Variants in XKR6 observed in about 807,000 individuals in gnomAD.
XKR6 encodes XK-related protein 6.
In XKR6, 22 loss-of-function variants were observed where a neutral mutation model predicts 56.7. The observed-to-expected ratio is 0.39, with a 90% CI of 0.28 to 0.55. The LOEUF is 0.55. Among genes scored for constraint, XKR6 ranks in the 20% least tolerant of loss-of-function variants. The probability of loss-of-function intolerance (pLI) is 0.66; values close to 1 mark genes in which losing one functional copy is unlikely to be tolerated. For missense variants in XKR6, 852 were observed against 889.0 expected (o/e 0.96, Z 0.53); for synonymous variants, 524 against 387.8 (o/e 1.35, Z -4.13).
At position 10,897,791 on chromosome 8, in the gene XKR6, TATTA is replaced by T. The variant is rs1799925000; in HGVS notation, c.*157_*160del. 1.4e-5 allele frequency: 12 copies of T among 871,710 alleles called. No individual in the cohort carries two copies. The highest frequency in any genetic ancestry group is 3.6e-4 in the Middle Eastern group (1 of 2,776). The allele number at this position is 871,710 out of a possible 1,614,324, so 54.0% of individuals were successfully genotyped here. ...AAGCTTATTTGAAGGGGTTGTGACT[TATTA>T]ATTCTTTTTTTTTTGTAGTGGTGGT... On this transcript the variant is annotated 3_prime_UTR_variant, in exon 3 of 3. Coordinates refer to ENST00000416569, the MANE Select transcript of XKR6 (RefSeq NM_173683.4).
chr8:10,939,348 T>G (rs979696695), intron 1 of XKR6, among the ~76,000 whole-genome samples: 5 of 152,306 alleles, frequency 3.3e-5, no homozygotes, highest in Admixed American at 3.3e-4. Context: ...GACCAGTGAC[T>G]GAGAGGAACA....
chr8:11,128,945 G>C, intron 1 of XKR6: 1 of 456,674 alleles, frequency 2.2e-6, no homozygotes, highest in African/African-American at 2.0e-5. Flanking sequence ...TAATAAAGCA[G>C]CCAGAAAGTC....
chr8:11,167,388 A>T (rs748699671), intron 1 of XKR6, among the ~76,000 whole-genome samples: 92 of 152,316 alleles, frequency 6.0e-4, no homozygotes, highest in Non-Finnish European at 1.0e-3. Context: ...GCATTCATAA[A>T]TTTTTAGTGA....
At chr8:11,099,386 A>G (rs1396867357) in intron 1 of XKR6, among the ~76,000 whole-genome samples, 1 of 152,260 alleles carries the variant, frequency 6.6e-6, no homozygotes, top group Non-Finnish European at 1.5e-5. Flanking sequence ...GCTTATCATT[A>G]GCACAAGTCA....
intron 1 of XKR6, among the ~76,000 whole-genome samples, chr8:11,127,308 A>C (rs1010168254): frequency 6.6e-6 from 1 of 152,226 alleles, no homozygotes; most frequent in Non-Finnish European, 1.5e-5. Context: ...TGTGATCTTC[A>C]ACGAGTTACT....
At chr8:11,103,110 T>C (rs1007907280) in intron 1 of XKR6, among the ~76,000 whole-genome samples, 2 of 152,200 alleles carry the variant, frequency 1.3e-5, no homozygotes, top group African/African-American at 4.8e-5. Flanking sequence ...TGATGGCAGT[T>C]TTTTTAATTT....
chr8:11,008,065 G>T (rs1798412223), intron 1 of XKR6, among the ~76,000 whole-genome samples: 1 of 152,134 alleles, frequency 6.6e-6, no homozygotes, highest in South Asian at 2.1e-4. Flanking sequence ...TTCACACAGG[G>T]GCAAGGCAGT....
intron 1 of XKR6, among the ~76,000 whole-genome samples, chr8:11,121,396 T>C (rs938680546): frequency 1.2e-4 from 19 of 152,084 alleles, no homozygotes; most frequent in Non-Finnish European, 2.6e-4. Flanking sequence ...CAGACACTTC[T>C]CAAAAGACAT....
chr8:11,156,308 G>A (rs1423579848), intron 1 of XKR6, among the ~76,000 whole-genome samples: 2 of 151,914 alleles, frequency 1.3e-5, no homozygotes, highest in Non-Finnish European at 1.5e-5. Flanking sequence ...TCATCAAGGC[G>A]AAATTCAAAT....
chr8:11,198,700 G>A (rs1216039985), intron 1 of XKR6, among the ~76,000 whole-genome samples: 2 of 152,138 alleles, frequency 1.3e-5, no homozygotes, highest in East Asian at 1.9e-4. Context: ...CTACTAGTAA[G>A]TGTCCAGGAC....
chr8:11,099,556 T>G (rs76709599), intron 1 of XKR6, among the ~76,000 whole-genome samples: 3,453 of 152,082 alleles, frequency 0.023, 113 homozygotes, highest in African/African-American at 0.077. Flanking sequence ...TTTTCATAAC[T>G]CCTTTACTTT....
intron 1 of XKR6, among the ~76,000 whole-genome samples, chr8:11,026,492 G>C (rs867246052): frequency 3.4e-5 from 5 of 147,912 alleles, no homozygotes; most frequent in African/African-American, 5.2e-5. Flanking sequence ...TACACACCTA[G>C]ATGGTCTAGC....
chr8:11,117,251 A>C (rs1799227347), intron 1 of XKR6, among the ~76,000 whole-genome samples: 1 of 152,210 alleles, frequency 6.6e-6, no homozygotes, highest in Non-Finnish European at 1.5e-5. Context: ...GTCCCCTCTT[A>C]GAAGTTTTCT....
chr8:11,159,018 C>G (rs955597105), intron 1 of XKR6, among the ~76,000 whole-genome samples: 3 of 152,228 alleles, frequency 2.0e-5, no homozygotes, highest in Non-Finnish European at 1.5e-5. Flanking sequence ...GTTCTGAAAC[C>G]TGGTTCTACC....
chr8:11,112,334 T>A (rs2129180070), intron 1 of XKR6, among the ~76,000 whole-genome samples: 1 of 152,298 alleles, frequency 6.6e-6, no homozygotes, highest in Non-Finnish European at 1.5e-5. Context: ...GTGCTTCTAT[T>A]ACATTAACTT....
At chr8:11,178,547 A>ATATATATATATATAT (rs1802779230) in intron 1 of XKR6, among the ~76,000 whole-genome samples, 44 of 88,446 alleles carry the variant, frequency 5.0e-4, no homozygotes, top group African/African-American at 2.4e-3. Flanking sequence ...GAGAGGTAAA[A>ATATATATATATATAT]ATATATATAT....
intron 1 of XKR6, among the ~76,000 whole-genome samples, chr8:11,147,938 A>G (rs1361235774): frequency 6.6e-6 from 1 of 151,824 alleles, no homozygotes; most frequent in Non-Finnish European, 1.5e-5. Context: ...GGCCGGGTGC[A>G]GTGGCTTACA....
chr8:11,157,790 C>T (rs958116255), intron 1 of XKR6, among the ~76,000 whole-genome samples: 1 of 152,160 alleles, frequency 6.6e-6, no homozygotes, highest in African/African-American at 2.4e-5. Context: ...GCTGGGATTA[C>T]AGGCGTGAGC....
In XKR6 at chr8:10,898,939, CA is replaced by C. The variant is rs746000244; in HGVS notation, c.962-24del. On this transcript the variant is annotated intron_variant, in intron 2 of 2. Coordinates refer to ENST00000416569, the MANE Select transcript of XKR6 (RefSeq NM_173683.4). This position sits in a 1 kb window ranked among gnomAD's most constrained non-coding sequence, Gnocchi z 6.6. ...CACCTGCCGGAAAGACACAAACCCACACAGTCAAAACCTTGGACATCAACCG... is the reference window on the plus strand; with the variant it reads ...CACCTGCCGGAAAGACACAAACCCACCAGTCAAAACCTTGGACATCAACCG... 4 of 1,576,888 alleles carry C rather than the reference CA, an allele frequency of 2.5e-6. No individual in the cohort carries two copies. The East Asian group carries it at 9.0e-5, about 35-fold the overall frequency.
Sources: gnomAD v4.1 joint callset for allele counts (sites outside exome capture counted in the v4.1 genomes callset) on GRCh38, gnomAD v4.1.1 for gene constraint, Gnocchi (gnomAD v3.1) non-coding constraint, MANE v1.5 for transcripts, NCBI Gene and HGNC (gene_info 2026-07-23, HGNC 2026-07-21) for gene names.